The following SNX29 variants were observed in gnomAD, a reference collection of about 807,000 sequenced individuals.
The protein encoded by SNX29 is sorting nexin-29.
In SNX29, 78 loss-of-function variants were observed where a neutral mutation model predicts 102.1. The observed-to-expected ratio is 0.76, with a 90% CI of 0.64 to 0.92. The LOEUF (loss-of-function observed/expected upper bound fraction) is 0.92. Ranked by LOEUF, SNX29 falls within the 40% of genes least tolerant of loss-of-function variation. The probability of loss-of-function intolerance (pLI) is 0.00; values close to 1 mark genes in which losing one functional copy is unlikely to be tolerated. For synonymous variants in SNX29, 580 were observed against 414.5 expected, an observed-to-expected ratio of 1.40 and a Z score of -4.85; for missense variants, 1,280 against 1,061.7, an observed-to-expected ratio of 1.21 and a Z score of -2.86.
intron 19 of SNX29, among the ~76,000 whole-genome samples, chr16:12,495,261 C>T (rs2088763487): frequency 6.6e-6 from 1 of 152,206 alleles, no homozygotes; most frequent in Non-Finnish European, 1.5e-5. Context: ...AAGCAATCCT[C>T]CTGCCTCATC....
intron 19 of SNX29, among the ~76,000 whole-genome samples, chr16:12,510,427 A>G (rs900215197): frequency 6.6e-6 from 1 of 152,176 alleles, no homozygotes; most frequent in African/African-American, 2.4e-5. Flanking sequence ...TACAACCAGC[A>G]CTTTGGGAGG....
chr16:12,553,336 A>G (rs1446028655), intron 20 of SNX29, among the ~76,000 whole-genome samples: 5 of 152,230 alleles, frequency 3.3e-5, no homozygotes, highest in South Asian at 2.1e-4. Context: ...CAAGGCAGGC[A>G]GAGAAACCAG....
chr16:12,147,346 A>G lies in SNX29; in HGVS notation c.1595+17588A>G, dbSNP rs565978982. On this transcript the variant is annotated intron_variant, in intron 13 of 20. Transcript: ENST00000566228. ...AGGACAGAAGCAGGAGGAAATAAAAAAAAATTACCAAAACCCATAAATATG... is the reference window on the plus strand; with the variant it reads ...AGGACAGAAGCAGGAGGAAATAAAAGAAAATTACCAAAACCCATAAATATG... Among the ~76,000 whole-genome samples, 18 of 152,376 alleles carry G rather than the reference A, an allele frequency of 1.2e-4. No homozygotes were observed. In the South Asian group the frequency reaches 3.7e-3, roughly 32 times the overall value.
intron 18 of SNX29, among the ~76,000 whole-genome samples, chr16:12,418,358 T>C (rs977449698): frequency 7.0e-6 from 1 of 142,818 alleles, no homozygotes; most frequent in African/African-American, 2.5e-5. Context: ...ATGTTGACGA[T>C]GAGGATTGTA....
At position 12,523,013 on chromosome 16, in the gene SNX29, T is replaced by A. The variant is rs377002215; in HGVS notation, c.2179-1689T>A. 2.9e-3 allele frequency among the ~76,000 whole-genome samples: 445 copies of A among 152,300 alleles called. 1 individual carries two copies. The highest frequency in any genetic ancestry group is 5.3e-3 in the Non-Finnish European group (360 of 68,016). On this transcript the variant is annotated intron_variant, in intron 19 of 20. Coordinates refer to ENST00000566228, the MANE Select transcript of SNX29 (RefSeq NM_032167.5). Reference sequence around the variant, plus strand: ...TTTTTATAGAGATTGGGCCTTGTTATGTTACCCAGGCTGGTCTCAAACTCC... The same window carrying A: ...TTTTTATAGAGATTGGGCCTTGTTAAGTTACCCAGGCTGGTCTCAAACTCC...
chr16:12,288,450 G>T (rs1372570920), intron 15 of SNX29, among the ~76,000 whole-genome samples: 2 of 152,146 alleles, frequency 1.3e-5, no homozygotes, highest in Non-Finnish European at 2.9e-5. Context: ...TGTTTGCGGG[G>T]TCACCCTGCT....
Position 12,061,627 on chromosome 16 carries a change from G to T in SNX29, c.1224G>T (p.Val408=). 1 of 1,611,616 alleles carries T rather than the reference G, an allele frequency of 6.2e-7. No homozygotes were observed. Among genetic ancestry groups the T allele is most frequent in the Non-Finnish European group, 8.5e-7 (1 of 1,179,170 alleles). ...DSDILFPVSG[V]GSYSPADAPL... ...ACATCCTCTTCCCTGTCAGTGGCGT[G>T]GGCTCCTACAGCCCAGCAGGTGGGT... Residue 408 remains valine (V), a synonymous_variant, in exon 9 of 21, where the codon GTG becomes GTT. Coordinates refer to ENST00000566228, the MANE Select transcript of SNX29 (RefSeq NM_032167.5).
In SNX29 at chr16:12,370,929, G is replaced by A. The variant is rs1042050643; in HGVS notation, c.1899+14650G>A. ...CCAAGCCATTGGCTCCCTTTGACCT[G>A]TTCTTCTGGAAATAACCTCTTCTTG... On this transcript the variant is annotated intron_variant, in intron 16 of 20. Coordinates refer to ENST00000566228, the MANE Select transcript of SNX29 (RefSeq NM_032167.5). Among the ~76,000 whole-genome samples, 3 of 152,306 alleles carry A rather than the reference G, an allele frequency of 2.0e-5. No homozygotes were observed. In the East Asian group the frequency reaches 5.8e-4, roughly 29 times the overall value.
At chr16:12,223,899 G>T (rs1476464723) in intron 14 of SNX29, among the ~76,000 whole-genome samples, 1 of 152,140 alleles carries the variant, frequency 6.6e-6, no homozygotes, top group Admixed American at 6.5e-5. Flanking sequence ...TTTATGATAC[G>T]TTCTGATCCT....
intron 14 of SNX29, among the ~76,000 whole-genome samples, chr16:12,267,221 A>G (rs1468965771): frequency 6.8e-6 from 1 of 147,276 alleles, no homozygotes; most frequent in Non-Finnish European, 1.5e-5. Flanking sequence ...TGAGTAGACA[A>G]CCAAAAATGT....
chr16:12,043,336 C>G (rs552007122), intron 5 of SNX29, among the ~76,000 whole-genome samples: 2 of 151,704 alleles, frequency 1.3e-5, no homozygotes, highest in Admixed American at 6.6e-5. Flanking sequence ...TAGGACATAG[C>G]TTCCTCTTCA....
intron 13 of SNX29, among the ~76,000 whole-genome samples, chr16:12,166,697 G>T (rs1214306235): frequency 6.6e-6 from 1 of 152,132 alleles, no homozygotes; most frequent in African/African-American, 2.4e-5. Flanking sequence ...CCCTCCTTTA[G>T]AGGCCCCGTA....
rs140701913 is a variant in SNX29, at chr16:12,528,566, G to A, written c.2318+3725G>A. On this transcript the variant is annotated intron_variant, in intron 20 of 20. Coordinates refer to ENST00000566228, the MANE Select transcript of SNX29 (RefSeq NM_032167.5). ...TTCCCCCACTCTCCCACACTTGGAT[G>A]CCCCGTGTCCACTGAACCCCCATCT... is the stretch of plus-strand genomic sequence containing the variant. Among the ~76,000 whole-genome samples, 37 of 152,240 alleles carry A rather than the reference G, an allele frequency of 2.4e-4. No homozygotes were observed. In the East Asian group the frequency reaches 6.6e-3, roughly 27 times the overall value.
intron 19 of SNX29, among the ~76,000 whole-genome samples, chr16:12,516,621 T>A (rs920948838): frequency 2.0e-5 from 3 of 152,092 alleles, no homozygotes; most frequent in African/African-American, 7.2e-5. Flanking sequence ...CCAAAGCAGA[T>A]ATCTCTTAAG....
At chr16:12,415,790 C>G (rs771886846) in intron 18 of SNX29, among the ~76,000 whole-genome samples, 5 of 152,336 alleles carry the variant, frequency 3.3e-5, no homozygotes, top group Non-Finnish European at 4.4e-5. Context: ...CCACACACTC[C>G]CTGTGCTCCC....
At chr16:12,194,841 G>T (rs2076731981) in intron 13 of SNX29, among the ~76,000 whole-genome samples, 1 of 151,926 alleles carries the variant, frequency 6.6e-6, no homozygotes, top group African/African-American at 2.4e-5. Flanking sequence ...TGGCCAAGCT[G>T]GTCTCGAACT....
At chr16:12,068,855 C>CT (rs922899189) in intron 9 of SNX29, among the ~76,000 whole-genome samples, 1 of 152,180 alleles carries the variant, frequency 6.6e-6, no homozygotes, top group African/African-American at 2.4e-5. Context: ...CTTTCTGCTT[C>CT]TACAGTGACT....
chr16:12,140,303 C>G (rs1205480947), intron 13 of SNX29, among the ~76,000 whole-genome samples: 1 of 152,164 alleles, frequency 6.6e-6, no homozygotes, highest in African/African-American at 2.4e-5. Flanking sequence ...TTTAACAATG[C>G]CAGTGGGAGG....
intron 20 of SNX29, among the ~76,000 whole-genome samples, chr16:12,555,437 T>A (rs997762606): frequency 6.6e-6 from 1 of 152,028 alleles, no homozygotes; most frequent in African/African-American, 2.4e-5. Context: ...TAGGAGACAC[T>A]CATGTACGCA....
Sources: allele counts gnomAD v4.1 joint callset (sites outside exome capture counted in the v4.1 genomes callset), GRCh38; gene constraint gnomAD v4.1.1; transcripts MANE v1.5; gene names NCBI Gene and HGNC (gene_info 2026-07-23, HGNC 2026-07-21).